The following EHBP1 variants were observed in gnomAD, a reference collection of about 807,000 sequenced individuals.
The protein encoded by EHBP1 is EH domain binding protein 1.
A neutral mutation model predicts 144.0 loss-of-function variants in EHBP1; 55 were observed. The observed-to-expected ratio is 0.38, with a 90% CI of 0.31 to 0.48. The LOEUF (loss-of-function observed/expected upper bound fraction) is 0.48, where lower values mean the gene tolerates loss of function less well. EHBP1 is among the 20% of genes least tolerant of loss of function. The pLI is 0.98. For missense variants in EHBP1, 1,200 were observed against 1,364.2 expected (o/e 0.88, Z 1.90); for synonymous variants, 469 against 472.7 (o/e 0.99, Z 0.10).
At chr2:62,755,616 A>G (rs1317485133) in intron 3 of EHBP1, among the ~76,000 whole-genome samples, 1 of 152,194 alleles carries the variant, frequency 6.6e-6, no homozygotes, top group Non-Finnish European at 1.5e-5. Context: ...GTGGCCTCAC[A>G]TCCTGAGCAG....
At chr2:62,715,261 C>A (rs1441420404) in intron 2 of EHBP1, among the ~76,000 whole-genome samples, 1 of 151,978 alleles carries the variant, frequency 6.6e-6, no homozygotes, top group Non-Finnish European at 1.5e-5. Flanking sequence ...ACTATAGGTG[C>A]ATGCCACCAT....
At chr2:62,697,547 G>A (rs1280158859) in intron 1 of EHBP1, among the ~76,000 whole-genome samples, 3 of 152,112 alleles carry the variant, frequency 2.0e-5, no homozygotes. Flanking sequence ...CTCATCAACT[G>A]AAATTTTCTA....
chr2:62,911,498 A>G (rs560198375), intron 10 of EHBP1, among the ~76,000 whole-genome samples: 100 of 152,092 alleles, frequency 6.6e-4, no homozygotes, highest in Middle Eastern at 3.4e-3. Flanking sequence ...GTCTCACTCT[A>G]TCGCCCAGGC....
At chr2:62,958,232 A>G (rs989502986) in intron 14 of EHBP1, among the ~76,000 whole-genome samples, 1 of 152,218 alleles carries the variant, frequency 6.6e-6, no homozygotes, top group African/African-American at 2.4e-5. Flanking sequence ...AAAAAAACTA[A>G]AAACACATGG....
intron 10 of EHBP1, among the ~76,000 whole-genome samples, chr2:62,905,772 C>T (rs528889170): frequency 6.6e-6 from 1 of 151,680 alleles, no homozygotes; most frequent in African/African-American, 2.4e-5. Context: ...TGAAGTGAGC[C>T]GAGATCAAGC....
intron 10 of EHBP1, among the ~76,000 whole-genome samples, chr2:62,902,799 C>T (rs1179575482): frequency 6.6e-6 from 1 of 152,168 alleles, no homozygotes; most frequent in Non-Finnish European, 1.5e-5. Context: ...ACAGTTATTG[C>T]ATATAAATCA....
chr2:62,728,468 T>C (rs2037058135), intron 2 of EHBP1, among the ~76,000 whole-genome samples: 4 of 152,230 alleles, frequency 2.6e-5, no homozygotes, highest in Admixed American at 2.6e-4. Context: ...TTGTGGTTTT[T>C]GACTTGCGTT....
intron 7 of EHBP1, among the ~76,000 whole-genome samples, chr2:62,851,919 C>T (rs573786488): frequency 1.3e-5 from 2 of 151,970 alleles, no homozygotes; most frequent in African/African-American, 2.4e-5. Context: ...AAGAAATGGC[C>T]GTAAGTGATT....
At chr2:62,953,623 CAAAAT>C (rs2057524947) in intron 13 of EHBP1, among the ~76,000 whole-genome samples, 1 of 151,094 alleles carries the variant, frequency 6.6e-6, no homozygotes, top group South Asian at 2.1e-4. Context: ...AGAAAATGCT[CAAAAT>C]AGAATAAGTG....
At chr2:63,041,601 T>A (rs1334272677) in intron 21 of EHBP1, among the ~76,000 whole-genome samples, 1 of 152,202 alleles carries the variant, frequency 6.6e-6, no homozygotes, top group Non-Finnish European at 1.5e-5. Context: ...TGGAGGAGCT[T>A]ATCCCCTAAA....
intron 14 of EHBP1, among the ~76,000 whole-genome samples, chr2:62,964,809 G>A (rs754743334): frequency 6.6e-6 from 1 of 152,194 alleles, no homozygotes. Flanking sequence ...CCTTGGCAAT[G>A]TAAACCACAT....
chr2:62,789,549 C>T (rs950063794), intron 5 of EHBP1, among the ~76,000 whole-genome samples: 3 of 152,152 alleles, frequency 2.0e-5, no homozygotes, highest in Non-Finnish European at 2.9e-5. Flanking sequence ...CTCTGATCTT[C>T]AGAGGTCTGG....
chr2:62,955,809 A>T, intron 14 of EHBP1, 149 bp downstream of exon 14: 1 of 778,122 alleles, frequency 1.3e-6, no homozygotes, highest in South Asian at 2.9e-5. Context: ...ATAAAGATAA[A>T]TTCATACTTG....
At position 62,988,136 on chromosome 2, in the gene EHBP1, T is replaced by G. The variant is rs899637120; in HGVS notation, c.2609-2580T>G. 1.1e-4 allele frequency: 73 copies of G among 688,326 alleles called. No homozygotes were observed. The Admixed American group carries it at 2.0e-3, about 18-fold the overall frequency. The allele number at this position is 688,326 out of a possible 1,614,324, so 42.6% of individuals were successfully genotyped here. A position where few individuals can be genotyped will look rare whatever the true frequency, so the allele number is the denominator to read the frequency against. On this transcript the variant is annotated intron_variant, in intron 15 of 22. Transcript: ENST00000431489. The stretch of plus-strand genomic sequence containing the variant: ...CAATAATAATAATAATTTTGTAGTT[T>G]TATTACATCTTATGGCCTCATAAAC...
chr2:62,928,853 AAAAG>A (rs1277841853), intron 10 of EHBP1, among the ~76,000 whole-genome samples: 1 of 151,734 alleles, frequency 6.6e-6, no homozygotes, highest in Admixed American at 6.6e-5. Flanking sequence ...AAAAAAAAAA[AAAAG>A]AGAAAAGGCT....
intron 14 of EHBP1, among the ~76,000 whole-genome samples, chr2:62,957,575 G>A (rs537165470): frequency 2.1e-5 from 3 of 145,934 alleles, no homozygotes; most frequent in Non-Finnish European, 3.0e-5. Context: ...AGTATGATTC[G>A]TACATAGAAA....
At position 62,948,532 on chromosome 2, in the gene EHBP1, A is replaced by G. The variant is rs1436401687; in HGVS notation, c.1686A>G (p.Leu562=). The G allele has an allele frequency of 1.2e-6, 2 of 1,614,152 alleles. No individual in the cohort carries two copies. The highest frequency in any genetic ancestry group is 1.7e-6 in the Non-Finnish European group (2 of 1,179,986). The change falls in exon 13 of 23, where the codon CTA becomes CTG. Residue 562 remains leucine, a synonymous_variant. Transcript: ENST00000431489. ...ELSDLKREPE[L]QQPISGAVDF... Reference sequence around the variant, plus strand: ...GTGATCTGAAGCGGGAGCCTGAACTACAACAGCCTATCAGCGGAGCAGTAG... The same window carrying G: ...GTGATCTGAAGCGGGAGCCTGAACTGCAACAGCCTATCAGCGGAGCAGTAG...
chr2:62,809,535 G>A (rs1432273692), intron 5 of EHBP1, among the ~76,000 whole-genome samples: 2 of 151,998 alleles, frequency 1.3e-5, no homozygotes, highest in Non-Finnish European at 2.9e-5. Flanking sequence ...GATTCAAGGG[G>A]TACATGTGCA....
At position 62,896,502 on chromosome 2, in the gene EHBP1, T is replaced by G. The variant is rs147184511; in HGVS notation, c.1185+21970T>G. On this transcript the variant is annotated intron_variant, in intron 10 of 22. Coordinates refer to ENST00000431489, the MANE Select transcript of EHBP1 (RefSeq NM_001142616.3). ...TCATATTCTACCGTACATTTTATTT[T>G]AACAAATGAACTGTCCCTACTTTTA... is the stretch of plus-strand genomic sequence containing the variant. 4.7e-4 allele frequency among the ~76,000 whole-genome samples: 72 copies of G among 152,246 alleles called. 1 individual carries two copies. Among genetic ancestry groups the G allele is most frequent in the African/African-American group, 1.5e-3 (64 of 41,564 alleles).
Sources: allele counts gnomAD v4.1 joint callset (sites outside exome capture counted in the v4.1 genomes callset), GRCh38; gene constraint gnomAD v4.1.1; transcripts MANE v1.5; gene names NCBI Gene and HGNC (gene_info 2026-07-23, HGNC 2026-07-21).